The following ENTREP1 variants were observed in gnomAD, a reference collection of about 807,000 sequenced individuals.
The protein encoded by ENTREP1 is endosomal transmembrane epsin interactor 1.
At chr9:69,340,751 GTGTGTGCGTGCATGTGTGTGTGTGTA>G in the ENTREP1 span, among the ~76,000 whole-genome samples, 1 of 122,518 alleles carries the variant, frequency 8.2e-6, no homozygotes, top group African/African-American at 3.5e-5. Flanking sequence ...GTGTGTTTGT[GTGTGTGCGTGCATGTGTGTGTGTGTA>G]TGTGTGTGTG....
chr9:69,329,313 A>G, the ENTREP1 span: 1 of 949,772 alleles, frequency 1.1e-6, no homozygotes, highest in Admixed American at 6.2e-5. Context: ...ATTAGGTTCA[A>G]GAGACAAATA....
At chr9:69,347,271 T>C in the ENTREP1 span, among the ~76,000 whole-genome samples, 1 of 152,182 alleles carries the variant, frequency 6.6e-6, no homozygotes, top group Non-Finnish European at 1.5e-5. Context: ...AGCTCAGCAG[T>C]AGGTATCTCT....
chr9:69,366,018 G>T, the ENTREP1 span, among the ~76,000 whole-genome samples: 1 of 152,054 alleles, frequency 6.6e-6, no homozygotes, highest in Non-Finnish European at 1.5e-5. Flanking sequence ...TTGATATACT[G>T]ATTTCTTTTC....
chr9:69,383,086 A>G, the ENTREP1 span: 2 of 985,116 alleles, frequency 2.0e-6, no homozygotes, highest in Non-Finnish European at 2.4e-6. Context: ...ACGGTTCTTT[A>G]CCCACAGGAC....
chr9:69,375,998 C>A, the ENTREP1 span: 1 of 853,932 alleles, frequency 1.2e-6, no homozygotes, highest in Non-Finnish European at 1.8e-6. Context: ...GTGAGTGACC[C>A]CAGAGACAGA....
the ENTREP1 span, among the ~76,000 whole-genome samples, chr9:69,334,416 G>A: frequency 6.6e-6 from 1 of 152,184 alleles, no homozygotes; most frequent in African/African-American, 2.4e-5. Context: ...GCTGCAGAAT[G>A]ATTACTCTCA....
At chr9:69,388,588 G>C in the ENTREP1 span, 1 of 659,718 alleles carries the variant, frequency 1.5e-6, no homozygotes, top group South Asian at 2.3e-5. Context: ...AGAGTTCTGG[G>C]GAGGGAGACA....
At chr9:69,324,913 G>A in the ENTREP1 span, 1 of 985,174 alleles carries the variant, frequency 1.0e-6, no homozygotes, top group Non-Finnish European at 1.2e-6. Context: ...TCCTGGCCGT[G>A]AGGTGCCTCC....
At chr9:69,335,246 G>A in the ENTREP1 span, among the ~76,000 whole-genome samples, 1 of 152,172 alleles carries the variant, frequency 6.6e-6, no homozygotes, top group Non-Finnish European at 1.5e-5. Context: ...GGAGTTCACA[G>A]TTAGTAGGTA....
At chr9:69,340,723 A>AT in the ENTREP1 span, among the ~76,000 whole-genome samples, 1 of 51,298 alleles carries the variant, frequency 1.9e-5, no homozygotes, top group Non-Finnish European at 3.7e-5. Flanking sequence ...GTGTGCATGC[A>AT]TGTGTGTGTG....
the ENTREP1 span, among the ~76,000 whole-genome samples, chr9:69,351,753 T>C: frequency 1.3e-5 from 2 of 152,184 alleles, no homozygotes; most frequent in African/African-American, 4.8e-5. Context: ...GCTCTGTTCT[T>C]TCCTTGTAGA....
the ENTREP1 span, among the ~76,000 whole-genome samples, chr9:69,357,508 G>A: frequency 6.6e-6 from 1 of 152,150 alleles, no homozygotes; most frequent in Non-Finnish European, 1.5e-5. Flanking sequence ...TCACAGCAAC[G>A]GGCCTGTGTT....
At chr9:69,353,330 A>C in the ENTREP1 span, among the ~76,000 whole-genome samples, 1 of 152,202 alleles carries the variant, frequency 6.6e-6, no homozygotes, top group Non-Finnish European at 1.5e-5. Context: ...TTCTCAATAG[A>C]AAAGTTGAGC....
At chr9:69,368,554 A>T in the ENTREP1 span, among the ~76,000 whole-genome samples, 1 of 152,140 alleles carries the variant, frequency 6.6e-6, no homozygotes, top group Admixed American at 6.6e-5. Context: ...TCAGTTTGCT[A>T]GCATTTTATT....
At chr9:69,343,807 GTTGGGAGATAA>G in the ENTREP1 span, among the ~76,000 whole-genome samples, 2 of 152,292 alleles carry the variant, frequency 1.3e-5, no homozygotes, top group Admixed American at 6.5e-5. Context: ...GTTGGGTGTT[GTTGGGAGATAA>G]AGATAAGGGA....
At chr9:69,367,136 T>C in the ENTREP1 span, among the ~76,000 whole-genome samples, 4 of 146,026 alleles carry the variant, frequency 2.7e-5, no homozygotes, top group South Asian at 8.7e-4. Context: ...TCTCACTATG[T>C]TGCCAAGACT....
At chr9:69,344,886 T>A in the ENTREP1 span, among the ~76,000 whole-genome samples, 1 of 152,212 alleles carries the variant, frequency 6.6e-6, no homozygotes, top group African/African-American at 2.4e-5. Context: ...GTGGATTCTG[T>A]GAGCTACCTG....
the ENTREP1 span, chr9:69,371,300 T>A: frequency 1.6e-6 from 1 of 631,844 alleles, no homozygotes; most frequent in Non-Finnish European, 2.8e-6. Flanking sequence ...TGAGAAGACT[T>A]AAGAGTCAGT....
the ENTREP1 span, chr9:69,325,558 C>T: frequency 8.3e-7 from 1 of 1,203,946 alleles, no homozygotes. Flanking sequence ...CCGCCGCTGC[C>T]GCCGCGGCCC....
Sources: allele counts gnomAD v4.1 joint callset (sites outside exome capture counted in the v4.1 genomes callset), GRCh38; gene constraint gnomAD v4.1.1; transcripts MANE v1.5; gene names NCBI Gene and HGNC (gene_info 2026-07-23, HGNC 2026-07-21).